BBS9: variants seen among roughly 807,000 people sequenced by gnomAD.
The protein encoded by BBS9 is Bardet-Biedl syndrome 9.
Under a neutral mutation model 117.7 loss-of-function variants are expected in BBS9, and 89 were observed. The ratio of observed to expected loss-of-function variants is 0.76; its 90% CI spans 0.64 to 0.90. BBS9 has a LOEUF of 0.90. BBS9 is among the 40% of genes least tolerant of loss of function. BBS9 has a pLI of 0.00. For synonymous variants in BBS9, 379 were observed against 370.9 expected, an observed-to-expected ratio of 1.02 and a Z score of -0.25; for missense variants, 982 against 1,042.2, an observed-to-expected ratio of 0.94 and a Z score of 0.80.
chr7:33,396,961 G>A (rs1484850215), intron 19 of BBS9, among the ~76,000 whole-genome samples: 9 of 152,206 alleles, frequency 5.9e-5, no homozygotes, highest in African/African-American at 2.2e-4. Context: ...TGCAAAAATT[G>A]AAACTGGACC....
At chr7:33,519,179 A>C (rs1424125104) in intron 20 of BBS9, among the ~76,000 whole-genome samples, 1 of 152,200 alleles carries the variant, frequency 6.6e-6, no homozygotes. Context: ...GAGTTCAGTC[A>C]TTCCTTGTTC....
chr7:33,515,275 A>G (rs957016707), intron 20 of BBS9, among the ~76,000 whole-genome samples: 1 of 152,254 alleles, frequency 6.6e-6, no homozygotes, highest in Non-Finnish European at 1.5e-5. Flanking sequence ...TACAAGCAAC[A>G]TAAACTGAGT....
chr7:33,173,084 T>G (rs1187758450), intron 4 of BBS9, among the ~76,000 whole-genome samples: 1 of 152,188 alleles, frequency 6.6e-6, no homozygotes, highest in Non-Finnish European at 1.5e-5. Context: ...TAGCTACTGT[T>G]TCTTAACTAA....
chr7:33,437,803 G>A (rs1412003678), intron 19 of BBS9, among the ~76,000 whole-genome samples: 1 of 152,120 alleles, frequency 6.6e-6, no homozygotes, highest in African/African-American at 2.4e-5. Context: ...TTGAACCCGG[G>A]AGGCAGAGGT....
At chr7:33,619,858 A>G (rs569905475) in intron 21 of BBS9, among the ~76,000 whole-genome samples, 134 of 152,264 alleles carry the variant, frequency 8.8e-4, no homozygotes, top group African/African-American at 3.2e-3. Context: ...AAGCAGTTCT[A>G]AGAGGAAAGT....
chr7:33,570,469 A>G (rs115206401), intron 21 of BBS9, among the ~76,000 whole-genome samples: 2,987 of 152,324 alleles, frequency 0.02, 103 homozygotes, highest in African/African-American at 0.069. Context: ...TTACAGTAAA[A>G]TTCCATTTGA....
intron 9 of BBS9, among the ~76,000 whole-genome samples, chr7:33,304,983 G>A (rs1179507000): frequency 6.6e-6 from 1 of 151,944 alleles, no homozygotes; most frequent in African/African-American, 2.4e-5. Context: ...AGTACCCAGG[G>A]ACACAAACAC....
At chr7:33,434,972 C>T (rs1325168240) in intron 19 of BBS9, among the ~76,000 whole-genome samples, 1 of 152,108 alleles carries the variant, frequency 6.6e-6, no homozygotes, top group African/African-American at 2.4e-5. Context: ...AGCCTTCTAT[C>T]ATAAGGCATT....
In BBS9 at chr7:33,170,356, T is replaced by A. The variant is rs1250678540; in HGVS notation, c.329-7122T>A. Among the ~76,000 whole-genome samples, 5 of 148,178 alleles carry A rather than the reference T, an allele frequency of 3.4e-5. No individual in the cohort carries two copies. In the East Asian group the frequency reaches 9.8e-4, roughly 29 times the overall value. On this transcript the variant is annotated intron_variant, in intron 4 of 22. Coordinates refer to ENST00000242067, the MANE Select transcript of BBS9 (RefSeq NM_198428.3). ...AACAGAGCCAAAGACAAAAACCACA[T>A]GATTATCTCAATAGATGCAGAAAAG...
chr7:33,522,328 T>A (rs1848750361), intron 20 of BBS9, among the ~76,000 whole-genome samples: 1 of 152,028 alleles, frequency 6.6e-6, no homozygotes, highest in Non-Finnish European at 1.5e-5. Context: ...CCACACTGAC[T>A]TCCACAATGG....
intron 17 of BBS9, among the ~76,000 whole-genome samples, chr7:33,370,150 A>T (rs1822579914): frequency 6.7e-6 from 1 of 149,044 alleles, no homozygotes; most frequent in East Asian, 1.9e-4. Context: ...ACTGAGTAGG[A>T]TTATATTTTT....
Position 33,621,170 on chromosome 7 carries a change from C to T in BBS9, c.2522-14007C>T, listed in dbSNP as rs190808984. ...TTGATCTGGGCAGTGATTATTTGGA[C>T]ATGACCACAACAGCAAAAATAGACA... is the stretch of plus-strand genomic sequence containing the variant. On this transcript the variant is annotated intron_variant, in intron 21 of 21. Coordinates refer to the BBS9 transcript ENST00000671952. Among the ~76,000 whole-genome samples the T allele has an allele frequency of 2.3e-3, 343 of 152,146 alleles. 2 individuals are homozygous for T. Among genetic ancestry groups the T allele is most frequent in the African/African-American group, 7.8e-3 (324 of 41,550 alleles).
At chr7:33,635,310 C>G (rs1356366688) in exon 22 of BBS9, among the ~76,000 whole-genome samples, 4 of 152,192 alleles carry the variant, frequency 2.6e-5, no homozygotes, top group African/African-American at 9.7e-5. Flanking sequence ...ATGGTTAAAA[C>G]TGGGACAGGC....
intron 21 of BBS9, among the ~76,000 whole-genome samples, chr7:33,616,648 A>C (rs1865154996): frequency 6.6e-6 from 1 of 151,638 alleles, no homozygotes; most frequent in African/African-American, 2.4e-5. Flanking sequence ...AATATGATAG[A>C]TCTTAATCCA....
At chr7:33,355,888 A>T (rs1485368294) in intron 15 of BBS9, among the ~76,000 whole-genome samples, 13 of 151,728 alleles carry the variant, frequency 8.6e-5, no homozygotes, top group Admixed American at 8.6e-4. Flanking sequence ...ATTATATTTA[A>T]TTTTTTTTAA....
intron 12 of BBS9, among the ~76,000 whole-genome samples, chr7:33,348,282 C>G (rs975270203): frequency 1.3e-5 from 2 of 152,014 alleles, no homozygotes; most frequent in Non-Finnish European, 2.9e-5. Flanking sequence ...CACTTAGCAT[C>G]ATGTTTTCAA....
chr7:33,418,261 TC>T (rs35817746), intron 19 of BBS9, among the ~76,000 whole-genome samples: 1 of 152,172 alleles, frequency 6.6e-6, no homozygotes, highest in African/African-American at 2.4e-5. Flanking sequence ...TTGTGATACT[TC>T]CGTTGAGATT....
rs150722045 is a variant in BBS9, at chr7:33,445,015, G to A, written c.2115+56871G>A. Reference sequence around the variant, plus strand: ...GGGAGGGCAGAGTGCATCTTTCCCCGCATTTAGAAAAATAGTACATGTATG... The same window carrying A: ...GGGAGGGCAGAGTGCATCTTTCCCCACATTTAGAAAAATAGTACATGTATG... On this transcript the variant is annotated intron_variant, in intron 19 of 22. Transcript: ENST00000242067. Among the ~76,000 whole-genome samples the A allele has an allele frequency of 7.2e-3, 1,089 of 152,198 alleles. 10 individuals are homozygous for A. Among genetic ancestry groups the A allele is most frequent in the African/African-American group, 0.025 (1,028 of 41,528 alleles).
At chr7:33,447,607 A>G (rs1837184367) in intron 19 of BBS9, among the ~76,000 whole-genome samples, 1 of 152,212 alleles carries the variant, frequency 6.6e-6, no homozygotes, top group Non-Finnish European at 1.5e-5. Flanking sequence ...AGAAATATTT[A>G]GTGTTGATTT....
Sources: allele counts gnomAD v4.1 joint callset (sites outside exome capture counted in the v4.1 genomes callset), GRCh38; gene constraint gnomAD v4.1.1; transcripts MANE v1.5; gene names NCBI Gene and HGNC (gene_info 2026-07-23, HGNC 2026-07-21).